Variants in SEPTIN3 observed in about 807,000 individuals in gnomAD.
SEPTIN3 encodes neuronal-specific septin-3.
SEPTIN3 carries 15 observed loss-of-function variants against 45.1 expected under a neutral mutation model. That is an observed-to-expected ratio of 0.33 (90% CI 0.22 to 0.51). The LOEUF (loss-of-function observed/expected upper bound fraction) is 0.51. Ranked by LOEUF, SEPTIN3 falls within the 20% of genes least tolerant of loss-of-function variation. The pLI, the probability that SEPTIN3 is intolerant of heterozygous loss-of-function variation, is 0.97. For missense variants in SEPTIN3, 289 were observed against 457.2 expected (o/e 0.63, Z 3.35); for synonymous variants, 148 against 164.8 (o/e 0.90, Z 0.78).
chr22:41,994,326 G>A lies in SEPTIN3; in HGVS notation c.2396G>A (p.Arg799Gln), dbSNP rs1462617159. 6 of 1,613,972 alleles carry A rather than the reference G, an allele frequency of 3.7e-6. No homozygotes were observed. The East Asian group carries it at 8.9e-5, about 24-fold the overall frequency. ...AACCACTGTGAGTTTGCCCTGCTTC[G>A]AGACTTTGTCATCAGGTAAGATGTC... ...NLNHCEFALL[R>Q]DFVIRTHLQD... The change falls in exon 10 of 12, where the codon CGA (arginine) becomes CAA (glutamine). Residue 799 changes from arginine (R) to glutamine (Q), a missense_variant. Arg to Gln is a conservative substitution (Grantham distance 43, BLOSUM62 1). Coordinates refer to ENST00000644076, the MANE Select transcript of SEPTIN3 (RefSeq NM_001363845.2). The surrounding 1 kb of genome is among the most constrained non-coding windows in gnomAD (Gnocchi z 4.2).
chr22:41,994,362 C>T lies in SEPTIN3; in HGVS notation c.2411+21C>T, dbSNP rs1008086474. On this transcript the variant is annotated intron_variant, in intron 10 of 11. Transcript: ENST00000644076. The surrounding 1 kb of genome is among the most constrained non-coding windows in gnomAD (Gnocchi z 4.2). ...ATCAGGTAAGATGTCTCCCCTCCAGCTGTCCAGACAGCAGGTTGAATTATT... is the reference window on the plus strand; with the variant it reads ...ATCAGGTAAGATGTCTCCCCTCCAGTTGTCCAGACAGCAGGTTGAATTATT... 4 of 1,613,010 alleles carry T rather than the reference C, an allele frequency of 2.5e-6. No individual in the cohort carries two copies. The Admixed American group carries it at 6.7e-5, about 27-fold the overall frequency.
At chr22:41,983,411 C>T (rs907690145) in intron 3 of SEPTIN3, among the ~76,000 whole-genome samples, 1 of 152,246 alleles carries the variant, frequency 6.6e-6, no homozygotes, top group Non-Finnish European at 1.5e-5. Context: ...TCTCCAATCC[C>T]TTGTCCACCA....
In SEPTIN3 at chr22:41,976,049, C is replaced by T. The variant is rs1378489908; in HGVS notation, c.1504+3053C>T. Among the ~76,000 whole-genome samples, 2 of 152,182 alleles carry T rather than the reference C, an allele frequency of 1.3e-5. No homozygotes were observed. Among genetic ancestry groups the T allele is most frequent in the African/African-American group, 4.8e-5 (2 of 41,424 alleles). ...TGGGCTGTCCACCAGCACCACGCAG[C>T]TCTCACCTCTGGAGACCCTCACCTC... On this transcript the variant is annotated intron_variant, in intron 2 of 11. Coordinates refer to ENST00000644076, the MANE Select transcript of SEPTIN3 (RefSeq NM_001363845.2). The surrounding 1 kb of genome is among the most constrained non-coding windows in gnomAD (Gnocchi z 5.8).
intron 7 of SEPTIN3, among the ~76,000 whole-genome samples, 181 bp from the exon 8 acceptor site, chr22:41,991,392 G>C (rs1427505047): frequency 6.6e-6 from 1 of 152,142 alleles, no homozygotes; most frequent in African/African-American, 2.4e-5. Flanking sequence ...TAATTGTATA[G>C]CTGGGGCTTG....
At chr22:41,987,007 T>C (rs979767593) in intron 4 of SEPTIN3, among the ~76,000 whole-genome samples, 199 bp from the exon 5 acceptor site, 4 of 151,390 alleles carry the variant, frequency 2.6e-5, no homozygotes, top group Admixed American at 2.0e-4. Flanking sequence ...GAAAAAGAAA[T>C]GAGTAGAGAG....
chr22:41,971,025 C>T (rs1022615532), intron 1 of SEPTIN3, among the ~76,000 whole-genome samples: 2 of 152,140 alleles, frequency 1.3e-5, no homozygotes, highest in South Asian at 2.1e-4. Context: ...GGTGGGAACC[C>T]ACAGCCCTTT....
chr22:41,982,653 C>G (rs905678718), intron 3 of SEPTIN3, among the ~76,000 whole-genome samples: 3 of 152,130 alleles, frequency 2.0e-5, no homozygotes, highest in African/African-American at 7.2e-5. Flanking sequence ...CTTTGGGAGG[C>G]CGAGGTGGGT....
At position 41,992,697 on chromosome 22, in the gene SEPTIN3, G is replaced by A; in HGVS notation, c.2293G>A (p.Asp765Asn). Residue 765 changes from aspartate (D) to asparagine (N), a missense_variant, in exon 9 of 12, where the codon GAC becomes AAC. Physicochemically the swap from Asp to Asn is conservative, Grantham distance 23. Around this residue, in one of 3 missense-constraint regions of SEPTIN3, gnomAD observed 84 missense variants for 114.7 expected, o/e 0.73. Transcript: ENST00000644076. ...CATGCCTTTTGCTGTGGTGGGAAGT[G>A]ACAAGGAGTACCAAGTGAATGGCAA... ...ESMPFAVVGS[D>N]KEYQVNGKRV... 3.1e-6 allele frequency: 5 copies of A among 1,611,470 alleles called. No homozygotes were observed. Among genetic ancestry groups the A allele is most frequent in the Non-Finnish European group, 4.2e-6 (5 of 1,178,838 alleles).
chr22:41,990,680 C>T (rs145171115), intron 7 of SEPTIN3, among the ~76,000 whole-genome samples: 558 of 142,036 alleles, frequency 3.9e-3, no homozygotes, highest in African/African-American at 0.014. Flanking sequence ...CGAGAGGCGG[C>T]GCTTGCAGTG....
At position 41,997,030 on chromosome 22, in the gene SEPTIN3, C is replaced by T. The variant is rs1010537605; in HGVS notation, c.*63C>T. 3 of 1,612,012 alleles carry T rather than the reference C, an allele frequency of 1.9e-6. No homozygotes were observed. Among genetic ancestry groups the T allele is most frequent in the East Asian group, 4.5e-5 (2 of 44,866 alleles). On this transcript the variant is annotated 3_prime_UTR_variant, in exon 12 of 12. Transcript: ENST00000644076. ...CAGCTGTTATTGCTGCAGGGCCAAG[C>T]CCTTTTTAGTGCTGTGCTCGTCCAG... is the stretch of plus-strand genomic sequence containing the variant.
chr22:41,997,136 TC>T lies in SEPTIN3; in HGVS notation c.*171del, dbSNP rs1429972116. On this transcript the variant is annotated 3_prime_UTR_variant, in exon 12 of 12. Coordinates refer to ENST00000644076, the MANE Select transcript of SEPTIN3 (RefSeq NM_001363845.2). ...TTAGGCCAGTTGCATCCTCCATTTA[TC>T]CAAACCACTCCTCTCCTCCCAGTGG... 3 of 1,245,830 alleles carry T rather than the reference TC, an allele frequency of 2.4e-6. No homozygotes were observed. Among genetic ancestry groups the T allele is most frequent in the Non-Finnish European group, 3.3e-6 (3 of 913,278 alleles). 77.2% of individuals were successfully genotyped at this position (1,245,830 alleles called of 1,614,324 possible).
chr22:41,970,353 C>T (rs1178016376), intron 1 of SEPTIN3, among the ~76,000 whole-genome samples: 3 of 152,242 alleles, frequency 2.0e-5, no homozygotes, highest in East Asian at 3.9e-4. Flanking sequence ...TGGGCAGTCC[C>T]GCCACTTCTA....
At chr22:41,996,009 C>G in intron 11 of SEPTIN3, 1 of 985,364 alleles carries the variant, frequency 1.0e-6, no homozygotes, top group Non-Finnish European at 1.2e-6. Context: ...TCTCTCCCTT[C>G]TAAGCAGGCT....
rs2078400662 is a variant in SEPTIN3 at position 41,994,889 on chromosome 22, G to A, written c.2505+175G>A. 9.6e-7 allele frequency: 1 copy of A among 1,045,032 alleles called. No homozygotes were observed. Among genetic ancestry groups the A allele is most frequent in the South Asian group, 1.7e-5 (1 of 57,768 alleles). 64.7% of individuals were successfully genotyped at this position (1,045,032 alleles called of 1,614,324 possible). On this transcript the variant is annotated intron_variant, in intron 11 of 11. Transcript: ENST00000644076. The surrounding 1 kb of genome is among the most constrained non-coding windows in gnomAD (Gnocchi z 4.2). ...TATTTGTGGAGCATCTTGTCTGTGT[G>A]TGTGTGTGTGTGTGTGTGTGTGTGT...
In SEPTIN3 at chr22:41,987,345, A is replaced by G. The variant is rs1368257248; in HGVS notation, c.1907+58A>G. ...AGACTCTGCTGGGAAGATACTTACT[A>G]TGGTGCAGATTCATTCACGTTGAGA... On this transcript the variant is annotated intron_variant, in intron 5 of 11. Coordinates refer to ENST00000644076, the MANE Select transcript of SEPTIN3 (RefSeq NM_001363845.2). 6.9e-6 allele frequency: 10 copies of G among 1,452,638 alleles called. No homozygotes were observed. The African/African-American group carries it at 7.0e-5, about 10-fold the overall frequency. The allele number at this position is 1,452,638 out of a possible 1,614,324, so 90.0% of individuals were successfully genotyped here.
intron 2 of SEPTIN3, among the ~76,000 whole-genome samples, chr22:41,973,829 A>C (rs1435871053): frequency 1.3e-5 from 2 of 151,464 alleles, no homozygotes. Context: ...AAAAATACAA[A>C]AGTTAGCCAG....
intron 11 of SEPTIN3, 142 bp from the exon 12 acceptor site, chr22:41,996,760 G>A: frequency 6.6e-7 from 1 of 1,522,314 alleles, no homozygotes. Context: ...ATGGGCATGG[G>A]AGGTGGGCGT....
At chr22:41,982,083 C>G (rs193136308) in intron 3 of SEPTIN3, 2 of 524,386 alleles carry the variant, frequency 3.8e-6, no homozygotes, top group South Asian at 5.1e-5. Flanking sequence ...ACAGGCAGCC[C>G]CTTCACCACT....
chr22:41,969,749 A>C, intron 1 of SEPTIN3, 72 bp downstream of exon 1: 1 of 150,412 alleles, frequency 6.6e-6, no homozygotes, highest in Admixed American at 6.6e-5. Flanking sequence ...GGGGTGGGGA[A>C]GGACCAAGCA....
Sources: gnomAD v4.1 joint callset for allele counts (sites outside exome capture counted in the v4.1 genomes callset) on GRCh38, gnomAD v4.1.1 for gene constraint, gnomAD v4.1.1 regional missense constraint, Gnocchi (gnomAD v3.1) non-coding constraint, MANE v1.5 for transcripts, NCBI Gene and HGNC (gene_info 2026-07-23, HGNC 2026-07-21) for gene names.